FER: variants seen among roughly 807,000 people sequenced by gnomAD.
The protein encoded by FER is FER tyrosine kinase.
A neutral mutation model predicts 111.0 loss-of-function variants in FER; 63 were observed. That is an observed-to-expected ratio of 0.57 (90% CI 0.46 to 0.70). FER has a LOEUF of 0.70. FER is among the 30% of genes least tolerant of loss of function. FER has a pLI of 0.00. For missense variants in FER, 914 were observed against 954.0 expected (o/e 0.96, Z 0.55); for synonymous variants, 327 against 313.9 (o/e 1.04, Z -0.44).
At chr5:109,124,648 G>A (rs2126525815) in intron 17 of FER, among the ~76,000 whole-genome samples, 1 of 152,044 alleles carries the variant, frequency 6.6e-6, no homozygotes, top group Non-Finnish European at 1.5e-5. Flanking sequence ...ATTGACAGCA[G>A]CCTTAAATCA....
intron 5 of FER, among the ~76,000 whole-genome samples, chr5:108,853,073 T>G (rs1762684005): frequency 6.6e-6 from 1 of 152,176 alleles, no homozygotes; most frequent in Non-Finnish European, 1.5e-5. Context: ...GTAAGCTTCT[T>G]TGCAATATTA....
chr5:108,756,874 C>G (rs1751178433), intron 1 of FER, among the ~76,000 whole-genome samples: 1 of 152,068 alleles, frequency 6.6e-6, no homozygotes, highest in Non-Finnish European at 1.5e-5. Flanking sequence ...CAATATAAGT[C>G]TTAAGTCTTT....
intron 17 of FER, among the ~76,000 whole-genome samples, chr5:109,142,908 C>G (rs1485416757): frequency 1.3e-5 from 2 of 151,998 alleles, no homozygotes; most frequent in East Asian, 1.9e-4. Flanking sequence ...ACTGAGGAAG[C>G]CTAAAAATTT....
chr5:109,112,157 G>A (rs935628978), intron 17 of FER, among the ~76,000 whole-genome samples: 1 of 151,586 alleles, frequency 6.6e-6, no homozygotes, highest in Non-Finnish European at 1.5e-5. Flanking sequence ...TTTTTTTTAG[G>A]TTAAATTAAA....
At chr5:108,845,757 C>T (rs1356958691) in intron 5 of FER, among the ~76,000 whole-genome samples, 1 of 152,136 alleles carries the variant, frequency 6.6e-6, no homozygotes, top group Admixed American at 6.6e-5. Context: ...ATGATGTTTG[C>T]TGTAGTTTTT....
intron 11 of FER, among the ~76,000 whole-genome samples, chr5:108,948,236 C>T (rs1036083949): frequency 3.3e-5 from 5 of 151,928 alleles, no homozygotes; most frequent in African/African-American, 1.2e-4. Flanking sequence ...TGTAGAGCTC[C>T]CTTTAAAGAC....
chr5:108,810,944 G>C (rs971232497), intron 3 of FER, among the ~76,000 whole-genome samples: 5 of 152,156 alleles, frequency 3.3e-5, no homozygotes, highest in Non-Finnish European at 7.4e-5. Flanking sequence ...ACCTGCCCTG[G>C]TGAGGAGCAG....
chr5:109,083,069 T>C (rs1446951153), intron 16 of FER, among the ~76,000 whole-genome samples: 1 of 152,074 alleles, frequency 6.6e-6, no homozygotes. Flanking sequence ...AGATTTCCTT[T>C]AGTGTTCTTG....
At chr5:108,772,837 A>G (rs1753070992) in intron 2 of FER, among the ~76,000 whole-genome samples, 1 of 152,238 alleles carries the variant, frequency 6.6e-6, no homozygotes, top group Non-Finnish European at 1.5e-5. Flanking sequence ...AGGAATATGT[A>G]TCTATTAATA....
intron 19 of FER, 80 bp downstream of exon 19, chr5:109,186,402 G>C: frequency 6.2e-7 from 1 of 1,603,718 alleles, no homozygotes; most frequent in Non-Finnish European, 8.5e-7. Flanking sequence ...TGCTTGAGGA[G>C]GGGTGTGTTA....
At chr5:109,166,188 T>C (rs1475848451) in intron 17 of FER, among the ~76,000 whole-genome samples, 2 of 152,096 alleles carry the variant, frequency 1.3e-5, no homozygotes. Context: ...CCATCTTGTC[T>C]GTCTGTCTGT....
At chr5:109,043,080 G>A (rs573904169) in intron 14 of FER, among the ~76,000 whole-genome samples, 1 of 152,142 alleles carries the variant, frequency 6.6e-6, no homozygotes, top group Admixed American at 6.5e-5. Context: ...TGAGATGCAA[G>A]GAATAAGACA....
At chr5:109,003,843 G>A (rs1478534863) in intron 13 of FER, among the ~76,000 whole-genome samples, 1 of 152,044 alleles carries the variant, frequency 6.6e-6, no homozygotes, top group Non-Finnish European at 1.5e-5. Flanking sequence ...TGCTGGGCAT[G>A]GTGGCGCACA....
At chr5:108,780,379 GGGT>G (rs1753924187) in intron 2 of FER, among the ~76,000 whole-genome samples, 2 of 111,914 alleles carry the variant, frequency 1.8e-5, no homozygotes, top group African/African-American at 1.1e-4. Flanking sequence ...CTAGGTTAGT[GGGT>G]TTTTTTTTTT....
At chr5:109,073,973 T>C (rs1209075787) in intron 16 of FER, among the ~76,000 whole-genome samples, 1 of 152,080 alleles carries the variant, frequency 6.6e-6, no homozygotes, top group East Asian at 1.9e-4. Flanking sequence ...CCTAAAAATT[T>C]TACACTTTTC....
At chr5:108,774,311 A>G (rs1270372815) in intron 2 of FER, among the ~76,000 whole-genome samples, 1 of 152,054 alleles carries the variant, frequency 6.6e-6, no homozygotes, top group Non-Finnish European at 1.5e-5. Flanking sequence ...ATTGATGGGC[A>G]TTTGGGTTGG....
chr5:109,116,934 G>A (rs550895525), intron 17 of FER, among the ~76,000 whole-genome samples: 1 of 152,192 alleles, frequency 6.6e-6, no homozygotes, highest in Non-Finnish European at 1.5e-5. Context: ...AACAGAATAT[G>A]AATAGAATTT....
intron 17 of FER, among the ~76,000 whole-genome samples, chr5:109,143,424 G>A (rs1753732296): frequency 6.6e-6 from 1 of 152,074 alleles, no homozygotes; most frequent in Non-Finnish European, 1.5e-5. Flanking sequence ...CCCTAACTAG[G>A]ATCCAGTGTA....
chr5:108,937,041 C>T (rs1755564772), intron 10 of FER, among the ~76,000 whole-genome samples: 1 of 151,860 alleles, frequency 6.6e-6, no homozygotes, highest in Non-Finnish European at 1.5e-5. Context: ...TCTTATGTGT[C>T]ATTTGAGGTT....
Sources: gnomAD v4.1 joint callset for allele counts (sites outside exome capture counted in the v4.1 genomes callset) on GRCh38, gnomAD v4.1.1 for gene constraint, MANE v1.5 for transcripts, NCBI Gene and HGNC (gene_info 2026-07-23, HGNC 2026-07-21) for gene names.